The following BIRC6 variants were observed in gnomAD, a reference collection of about 807,000 sequenced individuals.
The protein encoded by BIRC6 is dual E2 ubiquitin-conjugating enzyme/E3 ubiquitin-protein ligase BIRC6.
A neutral mutation model predicts 503.3 loss-of-function variants in BIRC6; 98 were observed. The ratio of observed to expected loss-of-function variants is 0.19; its 90% CI spans 0.17 to 0.23. The LOEUF is 0.23. Among genes scored for constraint, BIRC6 ranks in the 10% least tolerant of loss-of-function variants. The pLI is 1.00. For synonymous variants in BIRC6, 2,240 were observed against 2,078.7 expected (o/e 1.08, Z -2.11); for missense variants, 5,360 against 5,806.0 (o/e 0.92, Z 2.50).
At chr2:32,424,995 C>T (rs1002345347) in intron 10 of BIRC6, among the ~76,000 whole-genome samples, 1 of 152,020 alleles carries the variant, frequency 6.6e-6, no homozygotes, top group East Asian at 1.9e-4. Context: ...TTTGCACTTT[C>T]CTAATGATTA....
chr2:32,607,749 A>C, intron 72 of BIRC6, 106 bp downstream of exon 72: 1 of 912,228 alleles, frequency 1.1e-6, no homozygotes. Flanking sequence ...AGGTCAAGGC[A>C]GGTGGATCAC....
Position 32,515,383 on chromosome 2 carries a change from C to G in BIRC6, c.10962C>G (p.Ala3654=). Residue 3654 remains alanine (A), a synonymous_variant, in exon 55 of 74, where the codon GCC becomes GCG. Coordinates refer to ENST00000421745, the MANE Select transcript of BIRC6 (RefSeq NM_016252.4). ...ACATTTCTAGCTCAGAAAGCATTGC[C>G]CAGTCAATAGATATTTCCCAGGACA... ...FSHISSSESI[A]QSIDISQDKL... 6.2e-7 allele frequency: 1 copy of G among 1,613,446 alleles called. No individual in the cohort carries two copies. The highest frequency in any genetic ancestry group is 8.5e-7 in the Non-Finnish European group (1 of 1,179,858).
chr2:32,412,605 CTG>C (rs1247388943), intron 9 of BIRC6, among the ~76,000 whole-genome samples: 7 of 151,296 alleles, frequency 4.6e-5, no homozygotes, highest in African/African-American at 1.5e-4. Context: ...ACAGAAGACA[CTG>C]AATGTTTCAC....
intron 5 of BIRC6, among the ~76,000 whole-genome samples, chr2:32,393,149 C>T (rs1243363685): frequency 2.0e-5 from 3 of 151,424 alleles, no homozygotes; most frequent in African/African-American, 7.3e-5. Flanking sequence ...TAGATAACTA[C>T]AGAAGCAGCA....
At chr2:32,538,193 T>G (rs2057387817) in intron 61 of BIRC6, among the ~76,000 whole-genome samples, 1 of 152,162 alleles carries the variant, frequency 6.6e-6, no homozygotes, top group African/African-American at 2.4e-5. Context: ...TCTTCCCTAC[T>G]GGCTGGAAAA....
intron 1 of BIRC6, among the ~76,000 whole-genome samples, chr2:32,370,392 T>C (rs1558543308): frequency 6.6e-6 from 1 of 152,194 alleles, no homozygotes; most frequent in East Asian, 1.9e-4. Flanking sequence ...CCAGTAATTT[T>C]GTATCTTTTG....
intron 13 of BIRC6, among the ~76,000 whole-genome samples, chr2:32,434,420 C>T (rs953409286): frequency 6.6e-5 from 10 of 152,202 alleles, no homozygotes; most frequent in Admixed American, 3.3e-4. Flanking sequence ...ATTACATATA[C>T]GCCTGGCACT....
At position 32,425,709 on chromosome 2, in the gene BIRC6, T is replaced by C. The variant is rs75460563; in HGVS notation, c.2873-3437T>C. 3.5e-3 allele frequency among the ~76,000 whole-genome samples: 538 copies of C among 152,346 alleles called. 3 individuals carry two copies. Among genetic ancestry groups the C allele is most frequent in the African/African-American group, 0.012 (479 of 41,576 alleles). On this transcript the variant is annotated intron_variant, in intron 10 of 73. Transcript: ENST00000421745. Reference sequence around the variant, plus strand: ...TTTAAATCTTCCTGTAGATCCTGTTTCGGCTTTGTCCCCTTAAATCTTCTG... The same window carrying C: ...TTTAAATCTTCCTGTAGATCCTGTTCCGGCTTTGTCCCCTTAAATCTTCTG...
chr2:32,532,840 T>C (rs1478210249), intron 61 of BIRC6, among the ~76,000 whole-genome samples: 1 of 152,226 alleles, frequency 6.6e-6, no homozygotes, highest in African/African-American at 2.4e-5. Flanking sequence ...AATGATTTTT[T>C]CTAATTTAGT....
chr2:32,508,751 T>C (rs141123608), intron 51 of BIRC6, among the ~76,000 whole-genome samples: 10 of 152,256 alleles, frequency 6.6e-5, no homozygotes, highest in Non-Finnish European at 1.2e-4. Context: ...GACAGCTGGA[T>C]GTTTTATAGA....
chr2:32,414,130 G>A (rs176405), intron 9 of BIRC6, among the ~76,000 whole-genome samples: 97,264 of 151,528 alleles, frequency 0.64, 31,656 homozygotes, highest in African/African-American at 0.75. Context: ...TGTCTCTACT[G>A]AAAATACAAA....
At chr2:32,425,732 C>T (rs963176073) in intron 10 of BIRC6, among the ~76,000 whole-genome samples, 6 of 152,222 alleles carry the variant, frequency 3.9e-5, no homozygotes, top group African/African-American at 1.2e-4. Flanking sequence ...CTTAAATCTT[C>T]TGGTGGCTGC....
chr2:32,364,758 G>GT (rs368564629), intron 1 of BIRC6, among the ~76,000 whole-genome samples: 18,829 of 134,946 alleles, frequency 0.14, 1,290 homozygotes, highest in Middle Eastern at 0.21. Flanking sequence ...TAGATCGGGT[G>GT]TTTTTTTTTT....
Position 32,433,660 on chromosome 2 carries a change from C to T in BIRC6, c.3265C>T (p.His1089Tyr). 6.4e-7 allele frequency: 1 copy of T among 1,558,640 alleles called. No individual in the cohort carries two copies. The highest frequency in any genetic ancestry group is 8.8e-7 in the Non-Finnish European group (1 of 1,141,624). Reference protein sequence around the residue: ...LQTDSNSWDEHVFELVLPKAC... With the variant: ...LQTDSNSWDEYVFELVLPKAC... ...ATTTGACAGCAACAGCTGGGATGAACATGTATTTGAATTAGTACTACCTAA... is the reference window on the plus strand; with the variant it reads ...ATTTGACAGCAACAGCTGGGATGAATATGTATTTGAATTAGTACTACCTAA... The change falls in exon 13 of 74, where the codon CAT (histidine) becomes TAT (tyrosine). Residue 1089 changes from histidine (H) to tyrosine (Y), a missense_variant. By Grantham distance (83) the His-to-Tyr change is moderately conservative (BLOSUM62 2). Transcript: ENST00000421745.
chr2:32,402,883 T>C (rs1410412965), intron 8 of BIRC6, among the ~76,000 whole-genome samples: 1 of 152,210 alleles, frequency 6.6e-6, no homozygotes, highest in Non-Finnish European at 1.5e-5. Context: ...AATATACTTC[T>C]AGGATTACAT....
At chr2:32,458,708 T>TTC (rs1553441881) in intron 23 of BIRC6, among the ~76,000 whole-genome samples, 2 of 142,844 alleles carry the variant, frequency 1.4e-5, no homozygotes, top group African/African-American at 5.2e-5. Context: ...TTTTTTTTTT[T>TTC]CTGATACAGA....
At chr2:32,413,588 G>C (rs969373900) in intron 9 of BIRC6, among the ~76,000 whole-genome samples, 2 of 151,970 alleles carry the variant, frequency 1.3e-5, no homozygotes, top group African/African-American at 4.8e-5. Context: ...CAAAGTGCTA[G>C]GATGACAGAT....
intron 9 of BIRC6, among the ~76,000 whole-genome samples, chr2:32,411,229 G>T (rs1371611030): frequency 6.6e-6 from 1 of 150,402 alleles, no homozygotes; most frequent in Non-Finnish European, 1.5e-5. Flanking sequence ...GTAGAGACGG[G>T]AGTTTCACCA....
At chr2:32,451,404 A>G (rs1257250149) in intron 22 of BIRC6, among the ~76,000 whole-genome samples, 1 of 152,200 alleles carries the variant, frequency 6.6e-6, no homozygotes, top group African/African-American at 2.4e-5. Context: ...TTTTGATGAT[A>G]GTAGAATGAT....
Sources: gnomAD v4.1 joint callset for allele counts (sites outside exome capture counted in the v4.1 genomes callset) on GRCh38, gnomAD v4.1.1 for gene constraint, MANE v1.5 for transcripts, NCBI Gene and HGNC (gene_info 2026-07-23, HGNC 2026-07-21) for gene names.